FOXN2: variants seen among roughly 807,000 people sequenced by gnomAD.
FOXN2 encodes the protein forkhead box N2, also known as forkhead box protein N2.
Under a neutral mutation model 41.2 loss-of-function variants are expected in FOXN2, and 19 were observed. The ratio of observed to expected loss-of-function variants is 0.46; its 90% CI spans 0.32 to 0.68. The LOEUF (loss-of-function observed/expected upper bound fraction) is 0.68, where lower values mean the gene tolerates loss of function less well. Among genes scored for constraint, FOXN2 ranks in the 30% least tolerant of loss-of-function variants. The probability of loss-of-function intolerance (pLI) is 0.03; values close to 1 mark genes in which losing one functional copy is unlikely to be tolerated. For missense variants in FOXN2, 587 were observed against 509.4 expected (o/e 1.15, Z -1.47); for synonymous variants, 195 against 176.8 (o/e 1.10, Z -0.82).
intron 5 of FOXN2, among the ~76,000 whole-genome samples, chr2:48,372,864 A>G (rs974314288): frequency 6.6e-6 from 1 of 152,086 alleles, no homozygotes; most frequent in African/African-American, 2.4e-5. Context: ...CATGTAATTA[A>G]CATAGTACTT....
In FOXN2 at chr2:48,377,694, T is replaced by G. The variant is rs1673338259; in HGVS notation, c.*2251T>G. On this transcript the variant is annotated 3_prime_UTR_variant, in exon 7 of 7. Transcript: ENST00000340553. ...GCAAGGATGATAAACACTTGTGCAC[T>G]GAAAGCTAACAGGGAGAGGTTACAC... 1 of 152,104 alleles carries G rather than the reference T, an allele frequency of 6.6e-6. No homozygotes were observed. The highest frequency in any genetic ancestry group is 2.4e-5 in the African/African-American group (1 of 41,458). The allele number at this position is 152,104 out of a possible 1,614,324, so 9.4% of individuals were successfully genotyped here. A position where few individuals can be genotyped will look rare whatever the true frequency, so the allele number is the denominator to read the frequency against.
At chr2:48,373,381 T>A (rs573407297) in intron 6 of FOXN2, 21 bp downstream of exon 6, 25 of 1,464,602 alleles carry the variant, frequency 1.7e-5, no homozygotes, top group African/African-American at 7.2e-5. Flanking sequence ...ATGCCTTTTT[T>A]AAAAAAAAAT....
intron 2 of FOXN2, among the ~76,000 whole-genome samples, chr2:48,343,522 G>A (rs778866801): frequency 3.9e-5 from 6 of 152,188 alleles, no homozygotes; most frequent in African/African-American, 7.2e-5. Flanking sequence ...ACTTTGGGAA[G>A]CTGAGGCAGG....
chr2:48,373,414 C>A (rs964194752), intron 6 of FOXN2, 54 bp downstream of exon 6: 4 of 1,020,318 alleles, frequency 3.9e-6, no homozygotes, highest in Non-Finnish European at 6.0e-6. Context: ...TCAAATTTAA[C>A]CTAGACTATA....
intron 1 of FOXN2, among the ~76,000 whole-genome samples, chr2:48,315,349 G>T (rs1021111654): frequency 6.6e-6 from 1 of 152,198 alleles, no homozygotes; most frequent in East Asian, 1.9e-4. Flanking sequence ...AGTAGTGCAC[G>T]GGGAGGTGCC....
intron 5 of FOXN2, among the ~76,000 whole-genome samples, chr2:48,368,796 G>A (rs763549071): frequency 1.3e-5 from 2 of 152,184 alleles, no homozygotes; most frequent in African/African-American, 2.4e-5. Context: ...GTTCAAGACT[G>A]TACCTTGGAC....
At chr2:48,338,627 C>A (rs1251156501) in intron 2 of FOXN2, among the ~76,000 whole-genome samples, 2 of 152,038 alleles carry the variant, frequency 1.3e-5, no homozygotes, top group African/African-American at 4.8e-5. Context: ...TCTCAATCTC[C>A]TGACCTCATG....
chr2:48,373,395 A>C (rs775213958), intron 6 of FOXN2, 35 bp downstream of exon 6: 2 of 1,295,396 alleles, frequency 1.5e-6, no homozygotes, highest in South Asian at 2.6e-5. Flanking sequence ...AAAAAATTTT[A>C]GTGCCTTTTC....
chr2:48,374,990 C>A lies in FOXN2; in HGVS notation c.843C>A (p.Pro281=), dbSNP rs1048885844. 6.2e-7 allele frequency: 1 copy of A among 1,613,806 alleles called. No homozygotes were observed. Among genetic ancestry groups the A allele is most frequent in the African/African-American group, 1.3e-5 (1 of 74,882 alleles). The change falls in exon 7 of 7, where the codon CCC becomes CCA. Residue 281 remains proline (P), a synonymous_variant. Coordinates refer to ENST00000340553, the MANE Select transcript of FOXN2 (RefSeq NM_002158.4). ...KRSYGNAFHH[P]SAVRLQESDS... is the part of the protein sequence containing the mutation. ...GTTACGGCAATGCATTTCATCATCC[C>A]AGTGCTGTACGATTACAAGAGAGTG...
intron 4 of FOXN2, among the ~76,000 whole-genome samples, chr2:48,360,668 A>T (rs1470764580): frequency 6.6e-6 from 1 of 152,168 alleles, no homozygotes; most frequent in Non-Finnish European, 1.5e-5. Flanking sequence ...TTATATTCTT[A>T]CTTGGAAATT....
Position 48,375,471 on chromosome 2 carries a change from T to C in FOXN2, c.*28T>C, listed in dbSNP as rs903376761. On this transcript the variant is annotated 3_prime_UTR_variant, in exon 7 of 7. Coordinates refer to ENST00000340553, the MANE Select transcript of FOXN2 (RefSeq NM_002158.4). ...ATACTTAAAGTGTGGCAATACTCTT[T>C]CACTTAATTCTTTACAAGGGATATC... 6.4e-7 allele frequency: 1 copy of C among 1,558,972 alleles called. No individual in the cohort carries two copies. Among genetic ancestry groups the C allele is most frequent in the African/African-American group, 1.4e-5 (1 of 73,196 alleles).
intron 2 of FOXN2, among the ~76,000 whole-genome samples, chr2:48,334,582 T>C (rs1351867136): frequency 6.6e-6 from 1 of 152,146 alleles, no homozygotes; most frequent in African/African-American, 2.4e-5. Flanking sequence ...TAAAATAAAA[T>C]CTTAAATGCA....
upstream of FOXN2, chr2:48,314,630 A>T (rs1348878897): frequency 1.4e-5 from 2 of 147,590 alleles, no homozygotes; most frequent in African/African-American, 5.0e-5. Flanking sequence ...GGGGAAGGGG[A>T]GGGAGGGGGA....
At chr2:48,350,970 A>T (rs953560145) in intron 3 of FOXN2, among the ~76,000 whole-genome samples, 4 of 151,104 alleles carry the variant, frequency 2.6e-5, no homozygotes, top group South Asian at 2.1e-4. Flanking sequence ...AATTTATTTT[A>T]TTTTTTTTAT....
chr2:48,326,972 A>T (rs2104170850), intron 1 of FOXN2, among the ~76,000 whole-genome samples: 1 of 152,290 alleles, frequency 6.6e-6, no homozygotes, highest in East Asian at 1.9e-4. Flanking sequence ...CTACCTTTGG[A>T]GTGGTCTGGA....
chr2:48,350,822 A>T (rs888140437), intron 3 of FOXN2, among the ~76,000 whole-genome samples: 1 of 152,180 alleles, frequency 6.6e-6, no homozygotes, highest in Non-Finnish European at 1.5e-5. Flanking sequence ...CATGCTAGCT[A>T]ACATTTGGTC....
chr2:48,346,996 C>A (rs1425837357), intron 3 of FOXN2, among the ~76,000 whole-genome samples: 2 of 151,872 alleles, frequency 1.3e-5, no homozygotes, highest in Admixed American at 1.3e-4. Flanking sequence ...TATTTTAGTT[C>A]TTTGTTTCTA....
intron 1 of FOXN2, among the ~76,000 whole-genome samples, chr2:48,316,327 C>T (rs1405564672): frequency 6.6e-6 from 1 of 152,044 alleles, no homozygotes; most frequent in Non-Finnish European, 1.5e-5. Flanking sequence ...TAGAGTAGTG[C>T]ATTATGGAGT....
At chr2:48,363,735 C>T (rs766388999) in intron 5 of FOXN2, among the ~76,000 whole-genome samples, 1 of 152,164 alleles carries the variant, frequency 6.6e-6, no homozygotes, top group African/African-American at 2.4e-5. Context: ...ATTTGTGATA[C>T]AATTACCTAT....
Sources: allele counts gnomAD v4.1 joint callset (sites outside exome capture counted in the v4.1 genomes callset), GRCh38; gene constraint gnomAD v4.1.1; transcripts MANE v1.5; gene names NCBI Gene and HGNC (gene_info 2026-07-23, HGNC 2026-07-21).